Variants in SCAI observed in about 807,000 individuals in gnomAD.
SCAI encodes the protein protein SCAI.
SCAI carries 24 observed loss-of-function variants against 92.2 expected under a neutral mutation model. The ratio of observed to expected loss-of-function variants is 0.26; its 90% CI spans 0.19 to 0.37. The LOEUF (loss-of-function observed/expected upper bound fraction) is 0.37. SCAI is among the 10% of genes least tolerant of loss of function. SCAI has a pLI of 1.00. For missense variants in SCAI, 450 were observed against 736.2 expected (o/e 0.61, Z 4.50); for synonymous variants, 261 against 258.6 (o/e 1.01, Z -0.09).
intron 2 of SCAI, among the ~76,000 whole-genome samples, chr9:125,069,314 G>A (rs2131158944): frequency 6.6e-6 from 1 of 151,924 alleles, no homozygotes; most frequent in South Asian, 2.1e-4. Context: ...ATTTTGTTAT[G>A]AGCTCAGATT....
intron 2 of SCAI, among the ~76,000 whole-genome samples, chr9:125,101,858 T>C (rs2131214245): frequency 6.6e-6 from 1 of 152,340 alleles, no homozygotes; most frequent in East Asian, 1.9e-4. Flanking sequence ...AGTTTAGATT[T>C]CCTTTTGAGA....
At chr9:125,120,411 A>C (rs867486645) in intron 2 of SCAI, among the ~76,000 whole-genome samples, 1 of 152,148 alleles carries the variant, frequency 6.6e-6, no homozygotes, top group Admixed American at 6.6e-5. Context: ...CAGGAGGAAG[A>C]GCCAGGCGCA....
chr9:125,118,805 G>GT (rs1300340232), intron 2 of SCAI, among the ~76,000 whole-genome samples: 1 of 152,134 alleles, frequency 6.6e-6, no homozygotes, highest in African/African-American at 2.4e-5. Flanking sequence ...GCAGTGTTCG[G>GT]TTTTCTGTTC....
At position 125,143,487 on chromosome 9, in the gene SCAI, T is replaced by C. The variant is rs1459970539; in HGVS notation, c.-50A>G. On this transcript the variant is annotated 5_prime_UTR_variant, in exon 1 of 18. Coordinates refer to ENST00000336505, the MANE Select transcript of SCAI (RefSeq NM_001144877.3). Reference sequence around the variant, plus strand: ...CTGCTCCGGCGGCCGCAGGGCTCGCTCGGGAAGCTGAGGCGGCGGAGGCTG... The same window carrying C: ...CTGCTCCGGCGGCCGCAGGGCTCGCCCGGGAAGCTGAGGCGGCGGAGGCTG... 1 of 1,312,254 alleles carries C rather than the reference T, an allele frequency of 7.6e-7. No homozygotes were observed. The highest frequency in any genetic ancestry group is 9.7e-7 in the Non-Finnish European group (1 of 1,029,764). 81.3% of individuals were successfully genotyped at this position (1,312,254 alleles called of 1,614,324 possible). A position where few individuals can be genotyped will look rare whatever the true frequency, so the allele number is the denominator to read the frequency against.
chr9:125,117,161 T>C (rs779108726), intron 2 of SCAI, among the ~76,000 whole-genome samples: 7 of 152,180 alleles, frequency 4.6e-5, no homozygotes, highest in Non-Finnish European at 7.4e-5. Flanking sequence ...TGTTATCCAA[T>C]GAAGTAACAT....
chr9:125,006,649 G>A (rs12352989), intron 9 of SCAI, among the ~76,000 whole-genome samples: 61,831 of 151,670 alleles, frequency 0.41, 13,000 homozygotes, highest in African/African-American at 0.42. Flanking sequence ...ACGCCACCAC[G>A]CCCGGCTAAT....
Position 125,066,456 on chromosome 9 carries a change from A to ATTT in SCAI, c.99-10452_99-10450dup, listed in dbSNP as rs1183338955. Among the ~76,000 whole-genome samples, 155 of 121,536 alleles carry ATTT rather than the reference A, an allele frequency of 1.3e-3. 2 individuals carry two copies. Among genetic ancestry groups the ATTT allele is most frequent in the African/African-American group, 4.1e-3 (135 of 32,930 alleles). 79.7% of individuals were successfully genotyped at this position (121,536 alleles called of 152,430 possible). A position where few individuals can be genotyped will look rare whatever the true frequency, so the allele number is the denominator to read the frequency against. On this transcript the variant is annotated intron_variant, in intron 2 of 17. Coordinates refer to ENST00000336505, the MANE Select transcript of SCAI (RefSeq NM_001144877.3). Reference sequence around the variant, plus strand: ...TTTTTTATTTTATTTTATTTTATTTATTTATTTATTTTTTTTTGAGACGGA... The same window carrying ATTT: ...TTTTTTATTTTATTTTATTTTATTTATTTTTTATTTATTTTTTTTTGAGACGGA...
intron 14 of SCAI, among the ~76,000 whole-genome samples, chr9:124,982,441 G>C (rs918584361): frequency 6.6e-6 from 1 of 152,082 alleles, no homozygotes; most frequent in Admixed American, 6.6e-5. Flanking sequence ...GGAGGCCGAG[G>C]GGGGTGGTTC....
chr9:125,142,265 G>C (rs1248189422), intron 2 of SCAI: 3 of 183,280 alleles, frequency 1.6e-5, no homozygotes, highest in Non-Finnish European at 3.4e-5. Context: ...GCCTCCCAAA[G>C]AGCTGGGATT....
chr9:124,974,904 C>T (rs1177431794), intron 15 of SCAI, among the ~76,000 whole-genome samples: 1 of 152,138 alleles, frequency 6.6e-6, no homozygotes, highest in South Asian at 2.1e-4. Context: ...AAGTAAGTGG[C>T]TGAGTCGGGA....
intron 2 of SCAI, among the ~76,000 whole-genome samples, chr9:125,100,457 G>A (rs920931484): frequency 5.3e-5 from 8 of 152,104 alleles, no homozygotes; most frequent in Non-Finnish European, 1.2e-4. Context: ...CAAAGCAGAC[G>A]AGTGCCAGCA....
intron 3 of SCAI, among the ~76,000 whole-genome samples, chr9:125,033,273 C>T (rs1833121320): frequency 6.6e-6 from 1 of 151,704 alleles, no homozygotes; most frequent in African/African-American, 2.4e-5. Flanking sequence ...CCAGGAAATG[C>T]TTCACAAAGA....
chr9:125,006,712 G>T (rs968570036), intron 9 of SCAI, among the ~76,000 whole-genome samples: 1 of 152,090 alleles, frequency 6.6e-6, no homozygotes, highest in Non-Finnish European at 1.5e-5. Flanking sequence ...GGCTGGTATT[G>T]AACTCCTGAC....
At chr9:125,143,278 T>G (rs1477107438) in intron 1 of SCAI, 107 bp downstream of exon 1, 18 of 108,770 alleles carry the variant, frequency 1.7e-4, no homozygotes, top group Middle Eastern at 3.4e-3. Flanking sequence ...CCCCCGCCCC[T>G]CCGGTCTCTG....
chr9:125,060,953 T>C (rs1193494951), intron 2 of SCAI, among the ~76,000 whole-genome samples: 1 of 152,200 alleles, frequency 6.6e-6, no homozygotes. Context: ...CTGCTACTTA[T>C]CACATTCTAC....
At chr9:125,017,578 T>C (rs1832786225) in intron 9 of SCAI, among the ~76,000 whole-genome samples, 1 of 152,116 alleles carries the variant, frequency 6.6e-6, no homozygotes, top group Non-Finnish European at 1.5e-5. Flanking sequence ...TAAACTTGTA[T>C]AAAAAACACA....
intron 2 of SCAI, among the ~76,000 whole-genome samples, chr9:125,111,982 C>T (rs1834938377): frequency 6.6e-6 from 1 of 151,934 alleles, no homozygotes; most frequent in South Asian, 2.1e-4. Context: ...ACTGATAAGC[C>T]CATGTGTAGA....
At chr9:125,134,628 T>C (rs1398030226) in intron 2 of SCAI, among the ~76,000 whole-genome samples, 1 of 152,234 alleles carries the variant, frequency 6.6e-6, no homozygotes, top group Non-Finnish European at 1.5e-5. Context: ...ACAGACATAT[T>C]GGACTCTTCA....
intron 2 of SCAI, among the ~76,000 whole-genome samples, chr9:125,097,776 G>A (rs1269709384): frequency 1.3e-5 from 2 of 151,480 alleles, no homozygotes; most frequent in Non-Finnish European, 2.9e-5. Flanking sequence ...TATGTTGCTT[G>A]AAATATATAT....
Sources: allele counts gnomAD v4.1 joint callset (sites outside exome capture counted in the v4.1 genomes callset), GRCh38; gene constraint gnomAD v4.1.1; transcripts MANE v1.5; gene names NCBI Gene and HGNC (gene_info 2026-07-23, HGNC 2026-07-21).